AFF3: variants seen among roughly 807,000 people sequenced by gnomAD.
AFF3 encodes ALF transcription elongation factor 3.
A neutral mutation model predicts 129.7 loss-of-function variants in AFF3; 32 were observed. The ratio of observed to expected loss-of-function variants is 0.25; its 90% CI spans 0.19 to 0.33. The LOEUF (loss-of-function observed/expected upper bound fraction) is 0.33, where lower values mean the gene tolerates loss of function less well. Among genes scored for constraint, AFF3 ranks in the 10% least tolerant of loss-of-function variants. The probability of loss-of-function intolerance (pLI) is 1.00; values close to 1 mark genes in which losing one functional copy is unlikely to be tolerated. For missense variants in AFF3, 1,373 were observed against 1,592.0 expected (o/e 0.86, Z 2.34); for synonymous variants, 644 against 635.4 (o/e 1.01, Z -0.20).
chr2:99,716,271 T>G (rs1410781141), intron 11 of AFF3, among the ~76,000 whole-genome samples: 2 of 152,202 alleles, frequency 1.3e-5, no homozygotes, highest in African/African-American at 4.8e-5. Flanking sequence ...TTTCAATTAC[T>G]TGATCTTCTT....
chr2:99,592,562 CTGCGTG>C (rs546143149), intron 15 of AFF3, among the ~76,000 whole-genome samples: 65 of 152,342 alleles, frequency 4.3e-4, no homozygotes, highest in African/African-American at 1.4e-3. Context: ...CTACATCCAG[CTGCGTG>C]TGCACACGCT....
At chr2:99,956,460 C>T (rs184816647) in intron 7 of AFF3, among the ~76,000 whole-genome samples, 149 of 152,176 alleles carry the variant, frequency 9.8e-4, no homozygotes, top group Admixed American at 1.5e-3. Flanking sequence ...CTGTTTGTTA[C>T]CGAAGCATAA....
At chr2:99,937,486 C>T (rs925078981) in intron 7 of AFF3, among the ~76,000 whole-genome samples, 2 of 152,104 alleles carry the variant, frequency 1.3e-5, no homozygotes, top group Admixed American at 6.5e-5. Context: ...GCAACCTACG[C>T]CTCCCAGGTT....
chr2:99,915,042 C>G (rs1470601970), intron 7 of AFF3, among the ~76,000 whole-genome samples: 1 of 152,030 alleles, frequency 6.6e-6, no homozygotes, highest in African/African-American at 2.4e-5. Flanking sequence ...CAGGGTAGGG[C>G]AGGGCAAAGC....
intron 11 of AFF3, among the ~76,000 whole-genome samples, chr2:99,725,147 G>A (rs1269079585): frequency 6.6e-6 from 1 of 150,958 alleles, no homozygotes; most frequent in East Asian, 1.9e-4. Context: ...ATTTTTTTTT[G>A]TATTTTTGGT....
chr2:99,747,808 T>C (rs993478135), intron 9 of AFF3, among the ~76,000 whole-genome samples: 1 of 152,172 alleles, frequency 6.6e-6, no homozygotes, highest in Non-Finnish European at 1.5e-5. Flanking sequence ...TACTCTCATG[T>C]TGCTAGCTGA....
chr2:99,662,368 A>G (rs963305263), intron 12 of AFF3, among the ~76,000 whole-genome samples: 1 of 152,196 alleles, frequency 6.6e-6, no homozygotes, highest in Admixed American at 6.5e-5. Flanking sequence ...TTGGGTATTT[A>G]GCTCAGGTAC....
chr2:99,702,102 GA>G (rs1322082346), intron 11 of AFF3, among the ~76,000 whole-genome samples: 1 of 152,192 alleles, frequency 6.6e-6, no homozygotes, highest in Non-Finnish European at 1.5e-5. Context: ...GTTGCTGTGT[GA>G]AAATATATTT....
At chr2:99,802,532 G>A (rs2105515166) in intron 8 of AFF3, among the ~76,000 whole-genome samples, 1 of 152,182 alleles carries the variant, frequency 6.6e-6, no homozygotes, top group Middle Eastern at 3.4e-3. Flanking sequence ...GTGCAGTGGT[G>A]TGCGCCTGTA....
At chr2:99,913,570 A>C (rs1240152524) in intron 7 of AFF3, among the ~76,000 whole-genome samples, 1 of 152,220 alleles carries the variant, frequency 6.6e-6, no homozygotes, top group Admixed American at 6.5e-5. Context: ...CGGGCCTAGA[A>C]CACACAACAC....
intron 8 of AFF3, among the ~76,000 whole-genome samples, chr2:99,771,101 C>T (rs1378442083): frequency 6.6e-6 from 1 of 152,160 alleles, no homozygotes; most frequent in African/African-American, 2.4e-5. Context: ...AGATCACGTC[C>T]TTTGCAGGAG....
chr2:99,986,502 A>G (rs1576485304), intron 7 of AFF3, among the ~76,000 whole-genome samples: 1 of 152,054 alleles, frequency 6.6e-6, no homozygotes, highest in Non-Finnish European at 1.5e-5. Flanking sequence ...AGTACTTTAA[A>G]CTGATTTTCC....
At position 99,755,777 on chromosome 2, in the gene AFF3, G is replaced by A. The variant is rs1227078402; in HGVS notation, c.922-3476C>T. Among the ~76,000 whole-genome samples, 5 of 152,178 alleles carry A rather than the reference G, an allele frequency of 3.3e-5. No individual in the cohort carries two copies. In the South Asian group the frequency reaches 6.2e-4, roughly 19 times the overall value. On this transcript the variant is annotated intron_variant, in intron 8 of 24. Coordinates refer to ENST00000672756, the MANE Select transcript of AFF3 (RefSeq NM_001386135.1). ...GTCTACTCTGAGCCAGCTCATTCCA[G>A]GGAATCGCCAGGCCCTATTTCTCAT...
At chr2:99,569,670 G>A (rs924237884) in intron 18 of AFF3, among the ~76,000 whole-genome samples, 7 of 152,114 alleles carry the variant, frequency 4.6e-5, no homozygotes, top group Admixed American at 1.3e-4. Flanking sequence ...GCCCAGTTAC[G>A]CTAAGGTACT....
chr2:99,649,384 T>A (rs1292298046), intron 13 of AFF3, among the ~76,000 whole-genome samples: 1 of 152,174 alleles, frequency 6.6e-6, no homozygotes, highest in African/African-American at 2.4e-5. Flanking sequence ...TCTCTCTAAG[T>A]TTCTTGTCTC....
At chr2:99,789,560 C>G in intron 8 of AFF3, among the ~76,000 whole-genome samples, 1 of 152,098 alleles carries the variant, frequency 6.6e-6, no homozygotes, top group Non-Finnish European at 1.5e-5. Context: ...GTATGGCTGC[C>G]CTCTCCCAGA....
chr2:100,070,542 G>A (rs1246410231), intron 4 of AFF3, among the ~76,000 whole-genome samples: 1 of 152,162 alleles, frequency 6.6e-6, no homozygotes, highest in Admixed American at 6.5e-5. Flanking sequence ...TTATTCTACA[G>A]ACATGCTCTT....
chr2:100,117,964 C>T (rs910235995), intron 2 of AFF3, among the ~76,000 whole-genome samples: 10 of 152,072 alleles, frequency 6.6e-5, no homozygotes, highest in Non-Finnish European at 1.3e-4. Context: ...CCCATTGGAC[C>T]CTCACTTCAT....
At chr2:100,122,395 A>C (rs528335262) in intron 2 of AFF3, among the ~76,000 whole-genome samples, 2 of 152,328 alleles carry the variant, frequency 1.3e-5, no homozygotes, top group Admixed American at 1.3e-4. Context: ...CTAGGCTGTC[A>C]CTTTATTTAA....
Sources: allele counts gnomAD v4.1 joint callset (sites outside exome capture counted in the v4.1 genomes callset), GRCh38; gene constraint gnomAD v4.1.1; transcripts MANE v1.5; gene names NCBI Gene and HGNC (gene_info 2026-07-23, HGNC 2026-07-21).